Variants in PTPRD observed in about 807,000 individuals in gnomAD.
PTPRD encodes the protein protein tyrosine phosphatase receptor type D.
PTPRD carries 34 observed loss-of-function variants against 214.5 expected under a neutral mutation model. That is an observed-to-expected ratio of 0.16 (90% CI 0.12 to 0.21). The LOEUF (loss-of-function observed/expected upper bound fraction) is 0.21. Among genes scored for constraint, PTPRD ranks in the 10% least tolerant of loss-of-function variants. The pLI is 1.00. For missense variants in PTPRD, 2,545 were observed against 2,398.7 expected (o/e 1.06, Z -1.27); for synonymous variants, 1,128 against 845.7 (o/e 1.33, Z -5.79).
chr9:10,457,929 T>C (rs2098930255), intron 2 of PTPRD, among the ~76,000 whole-genome samples: 1 of 152,008 alleles, frequency 6.6e-6, no homozygotes, highest in South Asian at 2.1e-4. Flanking sequence ...TATTAATAGC[T>C]ATACACCAAC....
At chr9:8,704,038 C>T (rs1228184277) in intron 12 of PTPRD, among the ~76,000 whole-genome samples, 1 of 152,270 alleles carries the variant, frequency 6.6e-6, no homozygotes, top group Middle Eastern at 3.4e-3. Flanking sequence ...TAATTTACTT[C>T]CTCTTGTTTA....
At chr9:10,090,483 G>A (rs2098415982) in intron 3 of PTPRD, among the ~76,000 whole-genome samples, 1 of 151,098 alleles carries the variant, frequency 6.6e-6, no homozygotes, top group Admixed American at 6.6e-5. Flanking sequence ...GAAAAATAAA[G>A]CCATTCACCA....
At chr9:10,187,100 T>C (rs927249640) in intron 3 of PTPRD, among the ~76,000 whole-genome samples, 5 of 152,186 alleles carry the variant, frequency 3.3e-5, no homozygotes, top group African/African-American at 1.2e-4. Flanking sequence ...AACTTTCTTC[T>C]TGCTAATAAT....
At chr9:9,378,264 T>C (rs371849463) in intron 9 of PTPRD, among the ~76,000 whole-genome samples, 2 of 152,136 alleles carry the variant, frequency 1.3e-5, no homozygotes, top group Admixed American at 6.6e-5. Context: ...GAAAATCATA[T>C]AGTTGATAAT....
At chr9:8,665,264 A>C (rs756499426) in intron 12 of PTPRD, among the ~76,000 whole-genome samples, 2 of 152,214 alleles carry the variant, frequency 1.3e-5, no homozygotes, top group African/African-American at 4.8e-5. Context: ...AAAATGCAGC[A>C]GGTCTTAATA....
chr9:8,667,504 A>G (rs935929054), intron 12 of PTPRD, among the ~76,000 whole-genome samples: 3 of 152,192 alleles, frequency 2.0e-5, no homozygotes, highest in African/African-American at 4.8e-5. Context: ...CACTGACATG[A>G]CACCGAAAGT....
At chr9:10,475,402 C>T (rs996484454) in intron 2 of PTPRD, among the ~76,000 whole-genome samples, 2 of 151,988 alleles carry the variant, frequency 1.3e-5, no homozygotes, top group African/African-American at 4.8e-5. Context: ...TGGATAAATT[C>T]CTGGACACAT....
chr9:9,810,418 T>C (rs1177745124), intron 5 of PTPRD, among the ~76,000 whole-genome samples: 1 of 152,070 alleles, frequency 6.6e-6, no homozygotes, highest in Admixed American at 6.5e-5. Flanking sequence ...TAAGGGCTAA[T>C]GCAGCTGGTG....
At chr9:8,705,703 A>G (rs888742695) in intron 12 of PTPRD, among the ~76,000 whole-genome samples, 38 of 152,254 alleles carry the variant, frequency 2.5e-4, no homozygotes, top group Non-Finnish European at 5.0e-4. Flanking sequence ...ATAGTTTTAA[A>G]GGAAGCACAT....
At chr9:10,298,256 C>T (rs752427105) in intron 3 of PTPRD, among the ~76,000 whole-genome samples, 2 of 152,042 alleles carry the variant, frequency 1.3e-5, no homozygotes, top group Non-Finnish European at 2.9e-5. Flanking sequence ...AAATAGAAAT[C>T]AGGTTGCCTC....
intron 5 of PTPRD, among the ~76,000 whole-genome samples, chr9:9,924,064 G>C (rs535472011): frequency 3.4e-4 from 51 of 152,054 alleles, no homozygotes; most frequent in African/African-American, 1.2e-3. Context: ...TAAATATATT[G>C]TGCTAAAAAT....
At chr9:8,589,305 A>G (rs1375846704) in intron 14 of PTPRD, among the ~76,000 whole-genome samples, 1 of 152,160 alleles carries the variant, frequency 6.6e-6, no homozygotes, top group African/African-American at 2.4e-5. Flanking sequence ...ATAAACACTA[A>G]AAGTCACATC....
chr9:9,682,893 T>C (rs2097101270), intron 7 of PTPRD, among the ~76,000 whole-genome samples: 1 of 151,770 alleles, frequency 6.6e-6, no homozygotes, highest in Non-Finnish European at 1.5e-5. Context: ...AAGAGAGTTT[T>C]CTGGGTCTCT....
chr9:8,971,495 T>C (rs2099238110), intron 11 of PTPRD, among the ~76,000 whole-genome samples: 2 of 151,744 alleles, frequency 1.3e-5, no homozygotes, highest in South Asian at 4.1e-4. Context: ...TTATGCCTAA[T>C]TCACAAAGTT....
At chr9:10,444,709 A>T (rs1161783694) in intron 2 of PTPRD, among the ~76,000 whole-genome samples, 2 of 151,896 alleles carry the variant, frequency 1.3e-5, no homozygotes, top group Non-Finnish European at 2.9e-5. Context: ...ACAAAGACAA[A>T]AAAAAAGACC....
rs548215581 is a variant in PTPRD, at chr9:8,358,195, GT to G, written c.4662-16218del. Among the ~76,000 whole-genome samples the G allele has an allele frequency of 9.4e-3, 1,429 of 152,208 alleles. 12 individuals carry two copies. Among genetic ancestry groups the G allele is most frequent in the Non-Finnish European group, 0.016 (1,072 of 68,006 alleles). Reference sequence around the variant, plus strand: ...CATCTCCAACCACGTATCTCTAACGGTTGAAAGTTACAGCCTGGGGAAGAAA... The same window carrying G: ...CATCTCCAACCACGTATCTCTAACGGTGAAAGTTACAGCCTGGGGAAGAAA... On this transcript the variant is annotated intron_variant, in intron 39 of 45. Coordinates refer to ENST00000381196, the MANE Select transcript of PTPRD (RefSeq NM_002839.4).
intron 2 of PTPRD, among the ~76,000 whole-genome samples, chr9:10,584,387 T>C (rs1235573055): frequency 6.6e-6 from 1 of 152,156 alleles, no homozygotes; most frequent in East Asian, 1.9e-4. Flanking sequence ...CATGAAGTTA[T>C]GTGGTTTCAA....
At chr9:8,412,216 G>A (rs2093587933) in intron 35 of PTPRD, among the ~76,000 whole-genome samples, 1 of 152,008 alleles carries the variant, frequency 6.6e-6, no homozygotes, top group Non-Finnish European at 1.5e-5. Context: ...AGTCCAGCCT[G>A]GGCAACACAG....
At chr9:8,559,075 A>G (rs562628355) in intron 14 of PTPRD, among the ~76,000 whole-genome samples, 3 of 152,312 alleles carry the variant, frequency 2.0e-5, no homozygotes, top group African/African-American at 7.2e-5. Context: ...TTTTATGCCA[A>G]ATTGTTTTTA....
Sources: allele counts gnomAD v4.1 joint callset (sites outside exome capture counted in the v4.1 genomes callset), GRCh38; gene constraint gnomAD v4.1.1; transcripts MANE v1.5; gene names NCBI Gene and HGNC (gene_info 2026-07-23, HGNC 2026-07-21).